TENM2: variants seen among roughly 807,000 people sequenced by gnomAD.
TENM2 encodes teneurin transmembrane protein 2, also known as teneurin-2.
A neutral mutation model predicts 245.2 loss-of-function variants in TENM2; 52 were observed. The ratio of observed to expected loss-of-function variants is 0.21; its 90% CI spans 0.17 to 0.27. The LOEUF (loss-of-function observed/expected upper bound fraction) is 0.27. Ranked by LOEUF, TENM2 falls within the 10% of genes least tolerant of loss-of-function variation. The probability of loss-of-function intolerance (pLI) is 1.00; values close to 1 mark genes in which losing one functional copy is unlikely to be tolerated. For synonymous variants in TENM2, 1,363 were observed against 1,438.9 expected (o/e 0.95, Z 1.19); for missense variants, 3,046 against 3,666.8 (o/e 0.83, Z 4.37).
At chr5:167,237,337 G>A in the TENM2 span, among the ~76,000 whole-genome samples, 1 of 151,850 alleles carries the variant, frequency 6.6e-6, no homozygotes, top group African/African-American at 2.4e-5. Flanking sequence ...ATCAATTTTA[G>A]GGCATGTTAT....
At chr5:167,888,181 A>C (rs1190267019) in intron 3 of TENM2, among the ~76,000 whole-genome samples, 2 of 152,246 alleles carry the variant, frequency 1.3e-5, no homozygotes, top group Non-Finnish European at 2.9e-5. Context: ...AATTCAGCCC[A>C]CAACAGAATC....
chr5:167,356,536 C>T (rs1759346702), intron 1 of TENM2, among the ~76,000 whole-genome samples: 1 of 152,154 alleles, frequency 6.6e-6, no homozygotes, highest in Non-Finnish European at 1.5e-5. Flanking sequence ...AGTTATTGAG[C>T]CCTGGGTATG....
intron 2 of TENM2, among the ~76,000 whole-genome samples, chr5:167,813,442 A>G (rs1432450485): frequency 3.3e-5 from 5 of 151,988 alleles, no homozygotes; most frequent in Admixed American, 6.6e-5. Flanking sequence ...TCAGCACTGG[A>G]AACCACTGAG....
At chr5:167,502,348 A>C (rs1025483) in intron 2 of TENM2, among the ~76,000 whole-genome samples, 88,861 of 152,008 alleles carry the variant, frequency 0.58, 26,658 homozygotes, top group East Asian at 0.81. Flanking sequence ...GAATAGATGC[A>C]AGAAAACAGC....
At chr5:168,219,036 C>T (rs2152565494) in intron 23 of TENM2, 37 bp downstream of exon 25, 1 of 1,583,484 alleles carries the variant, frequency 6.3e-7, no homozygotes, top group Non-Finnish European at 8.6e-7. Flanking sequence ...AAGAGCCCTT[C>T]CCTTGCCCTA....
chr5:167,431,947 A>ATG (rs751563766), intron 2 of TENM2, among the ~76,000 whole-genome samples: 1 of 134,518 alleles, frequency 7.4e-6, no homozygotes, highest in Non-Finnish European at 1.5e-5. Context: ...ATACATATAT[A>ATG]TGTATATATA....
intron 2 of TENM2, among the ~76,000 whole-genome samples, chr5:167,546,159 A>G (rs937463912): frequency 2.4e-4 from 37 of 152,194 alleles, no homozygotes; most frequent in African/African-American, 8.7e-4. Context: ...GTTTGAACTC[A>G]TTATTCTTCC....
intron 2 of TENM2, among the ~76,000 whole-genome samples, chr5:167,750,165 A>G (rs1335962596): frequency 3.9e-5 from 6 of 152,146 alleles, no homozygotes; most frequent in Non-Finnish European, 8.8e-5. Flanking sequence ...GGATTAAACG[A>G]TGAACTGAGT....
chr5:167,199,106 A>G, the TENM2 span, among the ~76,000 whole-genome samples: 1 of 151,406 alleles, frequency 6.6e-6, no homozygotes, highest in African/African-American at 2.4e-5. Context: ...GTAAAAAAAA[A>G]AAAAAAAAAA....
intron 2 of TENM2, among the ~76,000 whole-genome samples, chr5:167,803,116 C>T (rs937720432): frequency 6.6e-6 from 1 of 152,284 alleles, no homozygotes; most frequent in Non-Finnish European, 1.5e-5. Context: ...TGGCCAATCA[C>T]TTCTCTGAGT....
exon 16 of TENM2, chr5:168,198,903 G>A (rs777701943): frequency 6.2e-7 from 1 of 1,614,042 alleles, no homozygotes; most frequent in Non-Finnish European, 8.5e-7. Context: ...CACTTTGAGC[G>A]AGCCCCGTTC....
chr5:168,047,441 G>C (rs1383476522), exon 6 of TENM2: 2 of 1,551,586 alleles, frequency 1.3e-6, no homozygotes, highest in Admixed American at 2.0e-5. Context: ...GCATCTGCTC[G>C]GACTCAATTG....
At chr5:167,865,600 C>T (rs1175958424) in intron 2 of TENM2, among the ~76,000 whole-genome samples, 5 of 152,076 alleles carry the variant, frequency 3.3e-5, no homozygotes, top group South Asian at 2.1e-4. Flanking sequence ...ACAACGGTTG[C>T]GTTCTAAAGT....
chr5:168,113,702 G>A (rs906298204), intron 9 of TENM2, among the ~76,000 whole-genome samples: 3 of 152,020 alleles, frequency 2.0e-5, no homozygotes, highest in Non-Finnish European at 2.9e-5. Flanking sequence ...TCATTTTTTT[G>A]TCATCAGCCT....
chr5:167,894,948 A>AGGAAGGAAGGAAGGAAGGAAGGAAGGAG (rs1386353059), intron 3 of TENM2, among the ~76,000 whole-genome samples: 2 of 118,732 alleles, frequency 1.7e-5, no homozygotes, highest in Non-Finnish European at 3.6e-5. Context: ...GAAGGAAGGA[A>AGGAAGGAAGGAAGGAAGGAAGGAAGGAG]GGAAGGAAGG....
At chr5:167,191,684 A>G in the TENM2 span, among the ~76,000 whole-genome samples, 1 of 152,074 alleles carries the variant, frequency 6.6e-6, no homozygotes, top group Non-Finnish European at 1.5e-5. Flanking sequence ...GTAGGATACC[A>G]CTGCATGAGA....
chr5:167,089,249 T>G, the TENM2 span, among the ~76,000 whole-genome samples: 1 of 152,220 alleles, frequency 6.6e-6, no homozygotes, highest in African/African-American at 2.4e-5. Context: ...GGAAGTAGCT[T>G]TTATTTTGCA....
the TENM2 span, among the ~76,000 whole-genome samples, chr5:167,076,673 AT>A: frequency 6.6e-6 from 1 of 152,066 alleles, no homozygotes; most frequent in East Asian, 1.9e-4. Context: ...AGATTAACGC[AT>A]TTTTCTCTAA....
intron 2 of TENM2, among the ~76,000 whole-genome samples, chr5:167,660,676 C>T (rs75084908): frequency 0.022 from 3,313 of 151,924 alleles, 112 homozygotes; most frequent in African/African-American, 0.074. Context: ...AGTAACTTAT[C>T]ATTTTTTAAA....
Sources: gnomAD v4.1 joint callset for allele counts (sites outside exome capture counted in the v4.1 genomes callset) on GRCh38, gnomAD v4.1.1 for gene constraint, MANE v1.5 for transcripts, NCBI Gene and HGNC (gene_info 2026-07-23, HGNC 2026-07-21) for gene names.